ATP10B: variants seen among roughly 807,000 people sequenced by gnomAD.
ATP10B encodes the protein ATPase phospholipid transporting 10B (putative).
In ATP10B, 122 loss-of-function variants were observed where a neutral mutation model predicts 141.2. The observed-to-expected ratio is 0.86, with a 90% confidence interval of 0.75 to 1.00. The LOEUF (loss-of-function observed/expected upper bound fraction) is 1.00. ATP10B is among the 50% of genes least tolerant of loss of function. ATP10B has a pLI of 0.00. For missense variants in ATP10B, 1,876 were observed against 1,825.3 expected, an observed-to-expected ratio of 1.03 and a Z score of -0.51; for synonymous variants, 685 against 692.0, an observed-to-expected ratio of 0.99 and a Z score of 0.16.
At chr5:160,836,566 T>C (rs1216854176) in intron 1 of ATP10B, among the ~76,000 whole-genome samples, 1 of 152,044 alleles carries the variant, frequency 6.6e-6, no homozygotes, top group Non-Finnish European at 1.5e-5. Context: ...CTTCACACCC[T>C]ACATTCTCTT....
intron 19 of ATP10B, 50 bp downstream of exon 19, chr5:160,606,715 A>G (rs372856718): frequency 8.3e-6 from 13 of 1,567,412 alleles, no homozygotes; most frequent in Non-Finnish European, 1.1e-5. Context: ...CCAGCCTTTC[A>G]TCAGATCATC....
At chr5:160,669,775 A>T (rs1158875129) in intron 7 of ATP10B, among the ~76,000 whole-genome samples, 1 of 151,128 alleles carries the variant, frequency 6.6e-6, no homozygotes, top group Non-Finnish European at 1.5e-5. Context: ...CTATTTTTTA[A>T]ATTTTTAGTA....
chr5:160,595,588 T>A (rs1378828493), intron 22 of ATP10B, among the ~76,000 whole-genome samples: 1 of 152,056 alleles, frequency 6.6e-6, no homozygotes, highest in South Asian at 2.1e-4. Flanking sequence ...CTTCAAAAAA[T>A]CAATGAATCC....
At chr5:160,928,393 C>T in the ATP10B span, among the ~76,000 whole-genome samples, 1 of 152,146 alleles carries the variant, frequency 6.6e-6, no homozygotes, top group African/African-American at 2.4e-5. Context: ...GGGGCCGTCA[C>T]CTCTGTTCTG....
At chr5:160,890,256 G>T in the ATP10B span, among the ~76,000 whole-genome samples, 1 of 152,168 alleles carries the variant, frequency 6.6e-6, no homozygotes, top group Non-Finnish European at 1.5e-5. Context: ...TGGACTAAGT[G>T]CTTCTTATGA....
At chr5:160,757,601 T>G (rs1381793567) in intron 2 of ATP10B, among the ~76,000 whole-genome samples, 1 of 152,172 alleles carries the variant, frequency 6.6e-6, no homozygotes, top group East Asian at 1.9e-4. Flanking sequence ...GTTTTTCACT[T>G]GGGTAGTTCA....
the ATP10B span, among the ~76,000 whole-genome samples, chr5:160,878,407 T>G: frequency 1.3e-4 from 19 of 151,940 alleles, no homozygotes; most frequent in Admixed American, 1.0e-3. Context: ...GACTTAAACG[T>G]TAGACCTAAA....
intron 1 of ATP10B, among the ~76,000 whole-genome samples, chr5:160,847,681 A>G (rs931108126): frequency 7.2e-5 from 11 of 152,212 alleles, no homozygotes; most frequent in African/African-American, 2.7e-4. Context: ...ATTTCTTATT[A>G]TTGTGTCAAG....
intron 2 of ATP10B, among the ~76,000 whole-genome samples, chr5:160,728,568 C>T (rs772810167): frequency 7.2e-5 from 11 of 152,132 alleles, no homozygotes; most frequent in Non-Finnish European, 1.0e-4. Flanking sequence ...TTCCCTGGCT[C>T]CTGCCTAATG....
intron 1 of ATP10B, among the ~76,000 whole-genome samples, chr5:160,800,540 G>T (rs903377630): frequency 6.6e-6 from 1 of 152,196 alleles, no homozygotes; most frequent in Admixed American, 6.5e-5. Context: ...CATTGTTAGG[G>T]TTATAATCTG....
chr5:160,751,390 G>A (rs917308985), intron 2 of ATP10B, among the ~76,000 whole-genome samples: 1 of 152,176 alleles, frequency 6.6e-6, no homozygotes, highest in Non-Finnish European at 1.5e-5. Flanking sequence ...ACAGAGAGAA[G>A]CTTAATGTTG....
chr5:160,694,921 T>C (rs1208395626), intron 3 of ATP10B, among the ~76,000 whole-genome samples: 1 of 152,252 alleles, frequency 6.6e-6, no homozygotes, highest in East Asian at 1.9e-4. Flanking sequence ...TAATTAACTT[T>C]ATTTTTGGTT....
chr5:160,794,512 TAGA>T (rs749088525), intron 1 of ATP10B, among the ~76,000 whole-genome samples: 4 of 151,430 alleles, frequency 2.6e-5, no homozygotes, highest in Admixed American at 1.3e-4. Flanking sequence ...CAGGAGAAGA[TAGA>T]AGTTCTTTGA....
intron 15 of ATP10B, 132 bp downstream of exon 15, chr5:160,620,215 T>C: frequency 8.4e-7 from 1 of 1,189,696 alleles, no homozygotes; most frequent in Non-Finnish European, 1.2e-6. Flanking sequence ...GAAAACATCT[T>C]GTAGGTCTGT....
the ATP10B span, among the ~76,000 whole-genome samples, chr5:160,894,154 C>T: frequency 6.6e-6 from 1 of 152,044 alleles, no homozygotes; most frequent in Admixed American, 6.6e-5. Flanking sequence ...CAAAGGATCA[C>T]AACTCCTCAC....
Position 160,807,177 on chromosome 5 carries a change from C to T in ATP10B, c.-575-21374G>A, listed in dbSNP as rs138118995. Among the ~76,000 whole-genome samples the T allele has an allele frequency of 1.4e-3, 208 of 152,118 alleles. 1 individual carries two copies. Among genetic ancestry groups the T allele is most frequent in the Middle Eastern group, 3.4e-3 (1 of 294 alleles). On this transcript the variant is annotated intron_variant, in intron 1 of 25. Coordinates refer to ENST00000327245, the MANE Select transcript of ATP10B (RefSeq NM_025153.3). ...GGGCAGAAATGTATCTATAGTTGCT[C>T]GTATTGTGTTGCAAAAATAAAATTT...
chr5:160,843,029 A>C (rs531680976), intron 1 of ATP10B, among the ~76,000 whole-genome samples: 2 of 152,300 alleles, frequency 1.3e-5, no homozygotes, highest in African/African-American at 4.8e-5. Flanking sequence ...ATTATAGGTC[A>C]ATCTTTTATA....
At chr5:160,904,755 G>A in the ATP10B span, among the ~76,000 whole-genome samples, 1 of 152,166 alleles carries the variant, frequency 6.6e-6, no homozygotes, top group Non-Finnish European at 1.5e-5. Context: ...GGGGCTGGTG[G>A]CACTTCTGTT....
intron 9 of ATP10B, among the ~76,000 whole-genome samples, chr5:160,641,751 T>A (rs1011131382): frequency 6.6e-6 from 1 of 152,188 alleles, no homozygotes; most frequent in Non-Finnish European, 1.5e-5. Flanking sequence ...GAAAAACACA[T>A]CAGTTGCATA....
Sources: gnomAD v4.1 joint callset for allele counts (sites outside exome capture counted in the v4.1 genomes callset) on GRCh38, gnomAD v4.1.1 for gene constraint, MANE v1.5 for transcripts, NCBI Gene and HGNC (gene_info 2026-07-23, HGNC 2026-07-21) for gene names.